RTN4IP1: variants seen among roughly 807,000 people sequenced by gnomAD.
The protein encoded by RTN4IP1 is NAD(P)H oxidoreductase RTN4IP1, mitochondrial.
RTN4IP1 carries 32 observed loss-of-function variants against 46.6 expected under a neutral mutation model. The observed-to-expected ratio is 0.69, with a 90% CI of 0.52 to 0.92. RTN4IP1 has a LOEUF of 0.92. Among genes scored for constraint, RTN4IP1 ranks in the 40% least tolerant of loss-of-function variants. The pLI is 0.00. For missense variants in RTN4IP1, 424 were observed against 485.8 expected (o/e 0.87, Z 1.20); for synonymous variants, 167 against 161.8 (o/e 1.03, Z -0.24).
At chr6:106,577,955 A>C (rs1240795911) in intron 8 of RTN4IP1, among the ~76,000 whole-genome samples, 1 of 152,174 alleles carries the variant, frequency 6.6e-6, no homozygotes, top group African/African-American at 2.4e-5. Context: ...TAAGATAATA[A>C]ATTTGTGCTG....
rs1039794794 is a variant in RTN4IP1, at chr6:106,629,486, G to C, written c.-465C>G. ...TGCCTGCCCGCTCTCCTTAGCCGCC[G>C]GGATGGCTTTGCGGCGCCAACCAAT... is the stretch of plus-strand genomic sequence containing the variant. On this transcript the variant is annotated 5_prime_UTR_variant, in exon 1 of 9. Transcript: ENST00000369063. The C allele has an allele frequency of 9.6e-6, 7 of 730,432 alleles. No individual in the cohort carries two copies. Among genetic ancestry groups the C allele is most frequent in the African/African-American group, 7.2e-5 (4 of 55,924 alleles). The allele number at this position is 730,432 out of a possible 1,614,324, so 45.2% of individuals were successfully genotyped here.
In RTN4IP1 at chr6:106,592,190, C is replaced by A. The variant is rs1403638315; in HGVS notation, c.780G>T (p.Val260=). The A allele has an allele frequency of 6.2e-7, 1 of 1,614,010 alleles. No homozygotes were observed. Among genetic ancestry groups the A allele is most frequent in the Non-Finnish European group, 8.5e-7 (1 of 1,179,984 alleles). The change falls in exon 6 of 9, where the codon GTG becomes GTT. Residue 260 remains valine (V), a synonymous_variant. Coordinates refer to ENST00000369063, the MANE Select transcript of RTN4IP1 (RefSeq NM_032730.5). The part of the protein sequence containing the change: ...DDVIDYKSGS[V]EEQLKSLKPF... Reference sequence around the variant, plus strand: ...GTTTTAAGGATTTCAACTGCTCTTCCACACTTCCAGATTTGTAATCAATTA... The same window carrying A: ...GTTTTAAGGATTTCAACTGCTCTTCAACACTTCCAGATTTGTAATCAATTA...
At chr6:106,609,442 T>G (rs1776167795) in intron 4 of RTN4IP1, among the ~76,000 whole-genome samples, 1 of 152,144 alleles carries the variant, frequency 6.6e-6, no homozygotes. Context: ...GGTGGAAGGA[T>G]GGCTTGAGCC....
chr6:106,614,258 T>C (rs1776296091), intron 4 of RTN4IP1, among the ~76,000 whole-genome samples: 1 of 152,030 alleles, frequency 6.6e-6, no homozygotes, highest in African/African-American at 2.4e-5. Flanking sequence ...CAATAATGAG[T>C]AGTGCTGAGG....
In RTN4IP1 at chr6:106,571,261, T is replaced by G. The variant is rs1483039213; in HGVS notation, c.*735A>C. On this transcript the variant is annotated 3_prime_UTR_variant, in exon 9 of 9. Transcript: ENST00000369063. ...AAGAGATTTAGAACTTTAAGAGCTGTGGTGACCACATTATGGTGGAGGAAC... is the reference window on the plus strand; with the variant it reads ...AAGAGATTTAGAACTTTAAGAGCTGGGGTGACCACATTATGGTGGAGGAAC... 1 of 152,240 alleles carries G rather than the reference T, an allele frequency of 6.6e-6. No homozygotes were observed. Among genetic ancestry groups the G allele is most frequent in the Non-Finnish European group, 1.5e-5 (1 of 68,040 alleles). 9.4% of individuals were successfully genotyped at this position (152,240 alleles called of 1,614,324 possible).
intron 8 of RTN4IP1, among the ~76,000 whole-genome samples, chr6:106,572,662 G>C (rs1441958863): frequency 6.6e-6 from 1 of 152,194 alleles, no homozygotes; most frequent in Admixed American, 6.5e-5. Context: ...TGTTACAGCT[G>C]AGTACACATC....
chr6:106,575,802 G>A (rs956449479), intron 8 of RTN4IP1, among the ~76,000 whole-genome samples: 1 of 152,228 alleles, frequency 6.6e-6, no homozygotes, highest in African/African-American at 2.4e-5. Flanking sequence ...CAAGGACCCA[G>A]GACTCCTAAT....
intron 8 of RTN4IP1, among the ~76,000 whole-genome samples, chr6:106,573,247 C>T (rs1385030094): frequency 1.3e-5 from 2 of 152,176 alleles, no homozygotes; most frequent in East Asian, 3.8e-4. Flanking sequence ...AATAGTTATC[C>T]ACCAGGTATC....
chr6:106,597,008 T>C (rs965640321), intron 5 of RTN4IP1, among the ~76,000 whole-genome samples: 4 of 152,226 alleles, frequency 2.6e-5, no homozygotes, highest in Admixed American at 2.0e-4. Flanking sequence ...TATGGACACA[T>C]AAGTAGCACA....
chr6:106,602,621 A>G (rs569518698), intron 5 of RTN4IP1, among the ~76,000 whole-genome samples: 20 of 152,310 alleles, frequency 1.3e-4, no homozygotes, highest in African/African-American at 4.6e-4. Flanking sequence ...CTTCTACATT[A>G]GAATATTTTC....
intron 8 of RTN4IP1, among the ~76,000 whole-genome samples, chr6:106,580,703 A>G (rs900763008): frequency 2.0e-5 from 3 of 149,302 alleles, no homozygotes; most frequent in African/African-American, 7.4e-5. Context: ...TCGGCGACAG[A>G]GCAAGACTCT....
chr6:106,599,278 A>G (rs1775882277), intron 5 of RTN4IP1, among the ~76,000 whole-genome samples: 1 of 152,030 alleles, frequency 6.6e-6, no homozygotes, highest in Non-Finnish European at 1.5e-5. Context: ...AAATAAAAGC[A>G]TACAGAATAT....
intron 5 of RTN4IP1, among the ~76,000 whole-genome samples, chr6:106,595,254 T>C (rs1412218674): frequency 6.6e-6 from 1 of 152,202 alleles, no homozygotes; most frequent in Non-Finnish European, 1.5e-5. Context: ...CGTCGCTCTG[T>C]CCTCTGTATT....
At chr6:106,614,095 C>T (rs1055078039) in intron 4 of RTN4IP1, among the ~76,000 whole-genome samples, 10 of 152,186 alleles carry the variant, frequency 6.6e-5, no homozygotes, top group African/African-American at 2.4e-4. Context: ...GTGTCACAGG[C>T]GTGTCCTTAA....
chr6:106,602,950 C>T (rs200916716), intron 4 of RTN4IP1, 28 bp from the exon 5 acceptor site: 379 of 1,574,914 alleles, frequency 2.4e-4, no homozygotes, highest in Non-Finnish European at 1.5e-4. Flanking sequence ...CCACAATTAA[C>T]GAGAATCTAA....
chr6:106,574,675 T>C (rs1775177209), intron 8 of RTN4IP1, among the ~76,000 whole-genome samples: 1 of 152,174 alleles, frequency 6.6e-6, no homozygotes, highest in African/African-American at 2.4e-5. Context: ...CACCCTAAAG[T>C]GGGACTCACC....
At chr6:106,590,151 AC>A (rs1373038798) in intron 6 of RTN4IP1, among the ~76,000 whole-genome samples, 1 of 151,650 alleles carries the variant, frequency 6.6e-6, no homozygotes, top group African/African-American at 2.4e-5. Context: ...AACTATCTCC[AC>A]AAAAAAAAAA....
At chr6:106,586,144 C>T (rs1319241539) in intron 7 of RTN4IP1, among the ~76,000 whole-genome samples, 2 of 152,174 alleles carry the variant, frequency 1.3e-5, no homozygotes, top group African/African-American at 2.4e-5. Flanking sequence ...CCTCTAAGTA[C>T]TTAGTACACA....
At chr6:106,622,469 G>A (rs1417624911) in intron 2 of RTN4IP1, among the ~76,000 whole-genome samples, 1 of 152,130 alleles carries the variant, frequency 6.6e-6, no homozygotes, top group African/African-American at 2.4e-5. Flanking sequence ...AAATAACTAG[G>A]GAATGTGGGG....
Sources: allele counts gnomAD v4.1 joint callset (sites outside exome capture counted in the v4.1 genomes callset), GRCh38; gene constraint gnomAD v4.1.1; transcripts MANE v1.5; gene names NCBI Gene and HGNC (gene_info 2026-07-23, HGNC 2026-07-21).